Variants in TCF7L2 observed in about 807,000 individuals in gnomAD.
The protein encoded by TCF7L2 is transcription factor 7 like 2, also known as transcription factor 7-like 2.
TCF7L2 carries 23 observed loss-of-function variants against 77.9 expected under a neutral mutation model. The ratio of observed to expected loss-of-function variants is 0.30; its 90% CI spans 0.21 to 0.42. The LOEUF (loss-of-function observed/expected upper bound fraction) is 0.42. TCF7L2 is among the 10% of genes least tolerant of loss of function. The pLI, the probability that TCF7L2 is intolerant of heterozygous loss-of-function variation, is 1.00. For synonymous variants in TCF7L2, 413 were observed against 340.2 expected (o/e 1.21, Z -2.36); for missense variants, 654 against 793.1 (o/e 0.82, Z 2.11).
In TCF7L2 at chr10:113,071,850, C is replaced by T. The variant is rs570617232; in HGVS notation, c.552+31724C>T. ...GTGCAGATCCTTGGAGGACTCCCCC[C>T]CACCCCCCATGAGTGGATTCCTCCA... On this transcript the variant is annotated intron_variant, in intron 5 of 13. Transcript: ENST00000627217. Among the ~76,000 whole-genome samples the T allele has an allele frequency of 3.0e-3, 450 of 152,280 alleles. 1 individual carries two copies. The highest frequency in any genetic ancestry group is 4.4e-3 in the Non-Finnish European group (298 of 68,018).
chr10:113,149,017 C>A (rs577256080), intron 8 of TCF7L2, among the ~76,000 whole-genome samples: 1 of 152,304 alleles, frequency 6.6e-6, no homozygotes, highest in Admixed American at 6.5e-5. Context: ...CTCCCTCTCA[C>A]GTCTGTACAC....
At chr10:113,051,969 T>A (rs921038843) in intron 5 of TCF7L2, among the ~76,000 whole-genome samples, 10 of 152,320 alleles carry the variant, frequency 6.6e-5, no homozygotes, top group South Asian at 4.1e-4. Flanking sequence ...TTAACCTGTA[T>A]CGTGTAGTCT....
At chr10:112,967,871 G>T (rs2037355430) in intron 4 of TCF7L2, among the ~76,000 whole-genome samples, 1 of 152,186 alleles carries the variant, frequency 6.6e-6, no homozygotes, top group African/African-American at 2.4e-5. Context: ...CCGACCTCAG[G>T]TGATCCTCCT....
chr10:113,151,097 G>A lies in TCF7L2; in HGVS notation c.975G>A (p.Gln325=), dbSNP rs1800219718. ...CAACAGTCAAACAGGAATCGTCCCAGAGTGATGTCGGCTCACTCCATAGTT... is the reference window on the plus strand; with the variant it reads ...CAACAGTCAAACAGGAATCGTCCCAAAGTGATGTCGGCTCACTCCATAGTT... Residue 325 remains glutamine (Q), a synonymous_variant, in exon 9 of 14, where the codon CAG becomes CAA. Transcript: ENST00000627217. The surrounding 1 kb of genome is among the most constrained non-coding windows in gnomAD (Gnocchi z 5.2). The A allele has an allele frequency of 1.2e-6, 2 of 1,614,132 alleles. No homozygotes were observed. Among genetic ancestry groups the A allele is most frequent in the Non-Finnish European group, 1.7e-6 (2 of 1,180,018 alleles).
chr10:113,000,994 A>T (rs2044369122), intron 4 of TCF7L2, among the ~76,000 whole-genome samples: 1 of 152,138 alleles, frequency 6.6e-6, no homozygotes, highest in Non-Finnish European at 1.5e-5. Context: ...GACAAACATG[A>T]TTAACTGGGT....
chr10:112,982,118 A>G (rs1346663394), intron 4 of TCF7L2, among the ~76,000 whole-genome samples: 4 of 152,114 alleles, frequency 2.6e-5, no homozygotes, highest in Non-Finnish European at 4.4e-5. Flanking sequence ...CTGCTTTTCT[A>G]TCATCTCCTT....
intron 5 of TCF7L2, among the ~76,000 whole-genome samples, chr10:113,121,500 T>G (rs1345229906): frequency 1.3e-5 from 2 of 152,244 alleles, no homozygotes; most frequent in African/African-American, 4.8e-5. Flanking sequence ...CAGAGGAAAT[T>G]CTTTTGAACG....
Position 113,016,979 on chromosome 10 carries a change from G to C in TCF7L2, c.451-23046G>C, listed in dbSNP as rs540892041. Among the ~76,000 whole-genome samples, 32 of 152,248 alleles carry C rather than the reference G, an allele frequency of 2.1e-4. No individual in the cohort carries two copies. In the South Asian group the frequency reaches 6.4e-3, roughly 31 times the overall value. On this transcript the variant is annotated intron_variant, in intron 4 of 13. Coordinates refer to ENST00000627217, the MANE Select transcript of TCF7L2 (RefSeq NM_001146274.2). Reference sequence around the variant, plus strand: ...AAACCCAGAGGACTGACCACTTCTTGAGGCTCATGTCCAGTTTGCAAAGAG... The same window carrying C: ...AAACCCAGAGGACTGACCACTTCTTCAGGCTCATGTCCAGTTTGCAAAGAG...
chr10:113,030,892 C>T (rs141822342), intron 4 of TCF7L2, among the ~76,000 whole-genome samples: 1 of 152,186 alleles, frequency 6.6e-6, no homozygotes, highest in Admixed American at 6.5e-5. Context: ...TTTGAGATGG[C>T]TAGGTCTGGG....
chr10:113,018,848 T>C (rs1260108217), intron 4 of TCF7L2, among the ~76,000 whole-genome samples: 1 of 152,128 alleles, frequency 6.6e-6, no homozygotes, highest in East Asian at 1.9e-4. Context: ...GTTTGTCCAG[T>C]GTACATTTCC....
intron 5 of TCF7L2, among the ~76,000 whole-genome samples, chr10:113,095,990 CAT>C (rs1456892548): frequency 4.6e-5 from 7 of 152,192 alleles, no homozygotes; most frequent in Non-Finnish European, 8.8e-5. Context: ...TGGTGTGTGA[CAT>C]GTCATCCCCA....
intron 4 of TCF7L2, among the ~76,000 whole-genome samples, chr10:112,966,876 C>G (rs578173786): frequency 2.0e-5 from 3 of 152,312 alleles, no homozygotes; most frequent in African/African-American, 7.2e-5. Flanking sequence ...TTGTTCTCTG[C>G]TTCTATTTGC....
rs1289701466 is a variant in TCF7L2, at chr10:113,031,212, A to T, written c.451-8813A>T. Among the ~76,000 whole-genome samples, 6 of 152,338 alleles carry T rather than the reference A, an allele frequency of 3.9e-5. No individual in the cohort carries two copies. The East Asian group carries it at 1.2e-3, about 29-fold the overall frequency. Reference sequence around the variant, plus strand: ...GATTTGGAGATTATTGGCTTTGACCACCTAAAAAGGATGTAGTGACAATCA... The same window carrying T: ...GATTTGGAGATTATTGGCTTTGACCTCCTAAAAAGGATGTAGTGACAATCA... On this transcript the variant is annotated intron_variant, in intron 4 of 13. Transcript: ENST00000627217.
chr10:112,993,861 C>T (rs1392192539), intron 4 of TCF7L2, among the ~76,000 whole-genome samples: 1 of 152,142 alleles, frequency 6.6e-6, no homozygotes, highest in Non-Finnish European at 1.5e-5. Flanking sequence ...TCGAGACCAG[C>T]TTGGCCAACA....
chr10:113,017,323 T>C (rs2047507950), intron 4 of TCF7L2, among the ~76,000 whole-genome samples: 1 of 152,234 alleles, frequency 6.6e-6, no homozygotes, highest in Non-Finnish European at 1.5e-5. Context: ...TGCAGGGTGC[T>C]GTGTGGTTGG....
At position 113,099,950 on chromosome 10, in the gene TCF7L2, A is replaced by G. The variant is rs1401848867; in HGVS notation, c.553-41234A>G. ...ACTTCAGGATCAGGAAAAAGCAAAA[A>G]CATTATAACTGCCCTCCACGCAAGT... On this transcript the variant is annotated intron_variant, in intron 5 of 13. Transcript: ENST00000627217. 3.9e-5 allele frequency among the ~76,000 whole-genome samples: 6 copies of G among 151,984 alleles called. No individual in the cohort carries two copies. The East Asian group carries it at 1.2e-3, about 29-fold the overall frequency.
intron 5 of TCF7L2, among the ~76,000 whole-genome samples, chr10:113,101,323 G>A (rs543568581): frequency 3.9e-5 from 6 of 152,034 alleles, no homozygotes; most frequent in African/African-American, 7.2e-5. Flanking sequence ...CTCAAGGATC[G>A]CTTGAAGGCA....
chr10:113,165,656 A>C lies in TCF7L2; in HGVS notation c.1493A>C (p.Asn498Thr), dbSNP rs772831726. The change falls in exon 14 of 14, where the codon AAC becomes ACC. Residue 498 changes from asparagine to threonine, a missense_variant. Physicochemically the swap from Asn to Thr is moderately conservative, Grantham distance 65. Around this residue, in one of 6 missense-constraint regions of TCF7L2, gnomAD observed 272 missense variants for 215.4 expected, o/e 1.26. Coordinates refer to ENST00000627217, the MANE Select transcript of TCF7L2 (RefSeq NM_001146274.2). ...CTAGATTCGCCTCCCCCCTCCCCGA[A>C]CCTGCTAGGCTCCCCTCCCCGAGAC... The C allele has an allele frequency of 1.4e-4, 220 of 1,608,644 alleles. No homozygotes were observed. Among genetic ancestry groups the C allele is most frequent in the Admixed American group, 1.9e-4 (11 of 59,392 alleles).
At chr10:113,158,094 G>A (rs2137366635) in intron 12 of TCF7L2, 25 bp downstream of exon 12, 1 of 1,583,774 alleles carries the variant, frequency 6.3e-7, no homozygotes, top group South Asian at 1.2e-5. Context: ...TCAGGTTAGA[G>A]GAAGGAGCTG....
Sources: gnomAD v4.1 joint callset for allele counts (sites outside exome capture counted in the v4.1 genomes callset) on GRCh38, gnomAD v4.1.1 for gene constraint, gnomAD v4.1.1 regional missense constraint, Gnocchi (gnomAD v3.1) non-coding constraint, MANE v1.5 for transcripts, NCBI Gene and HGNC (gene_info 2026-07-23, HGNC 2026-07-21) for gene names.